FRMPD4: variants seen among roughly 807,000 people sequenced by gnomAD.
FRMPD4 encodes FERM and PDZ domain containing 4.
FRMPD4 carries 22 observed loss-of-function variants against 94.1 expected under a neutral mutation model. The ratio of observed to expected loss-of-function variants is 0.23; its 90% CI spans 0.17 to 0.33. The LOEUF (loss-of-function observed/expected upper bound fraction) is 0.33. FRMPD4 is among the 10% of genes least tolerant of loss of function. The pLI, the probability that FRMPD4 is intolerant of heterozygous loss-of-function variation, is 1.00. For synonymous variants in FRMPD4, 631 were observed against 548.6 expected, an observed-to-expected ratio of 1.15 and a Z score of -2.10; for missense variants, 1,111 against 1,339.9, an observed-to-expected ratio of 0.83 and a Z score of 2.67.
intron 1 of FRMPD4, among the ~76,000 whole-genome samples, chrX:12,491,697 TATC>T (rs1327569805): frequency 8.9e-6 from 1 of 112,486 alleles, no homozygotes; most frequent in Non-Finnish European, 1.9e-5. Context: ...CCTGTGCCAG[TATC>T]ATCATGTAGC....
At position 12,549,877 on chromosome X, in the gene FRMPD4, C is replaced by T. The variant is rs746063647; in HGVS notation, c.158+51081C>T. 4.5e-5 allele frequency among the ~76,000 whole-genome samples: 5 copies of T among 112,228 alleles called. No homozygotes were observed. The South Asian group carries it at 1.9e-3, about 42-fold the overall frequency. On this transcript the variant is annotated intron_variant, in intron 2 of 16. Transcript: ENST00000675598. ...TAAGTAAAGAAAGCTTTTTCATGCTCCCAGTTCAGCATTTTCCAAATACAT... is the reference window on the plus strand; with the variant it reads ...TAAGTAAAGAAAGCTTTTTCATGCTTCCAGTTCAGCATTTTCCAAATACAT...
At chrX:12,077,177 C>T (rs926257200) in intron 3 of FRMPD4, among the ~76,000 whole-genome samples, 9 of 112,204 alleles carry the variant, frequency 8.0e-5, no homozygotes, top group African/African-American at 2.9e-4. Context: ...TTATTTACAT[C>T]ATCTGCCTCC....
At chrX:11,913,468 C>A (rs2054007514) in intron 3 of FRMPD4, among the ~76,000 whole-genome samples, 1 of 112,109 alleles carries the variant, frequency 8.9e-6, no homozygotes, top group East Asian at 2.8e-4. Flanking sequence ...GATTATGAAT[C>A]TCTGATCTAG....
At chrX:12,210,429 G>A (rs749035926) in intron 1 of FRMPD4, among the ~76,000 whole-genome samples, 9 of 111,165 alleles carry the variant, frequency 8.1e-5, no homozygotes, top group Admixed American at 6.7e-4. Flanking sequence ...AATTAGAAGC[G>A]GCCTGAGTCA....
chrX:12,492,887 A>G (rs1309962053), intron 1 of FRMPD4, among the ~76,000 whole-genome samples: 1 of 111,751 alleles, frequency 8.9e-6, no homozygotes, highest in African/African-American at 3.3e-5. Context: ...TTCTGAGGGA[A>G]AAGAGAAAGC....
intron 1 of FRMPD4, among the ~76,000 whole-genome samples, chrX:12,147,686 C>G (rs974877468): frequency 8.9e-6 from 1 of 111,923 alleles, no homozygotes; most frequent in Non-Finnish European, 1.9e-5. Flanking sequence ...TCATTGCACT[C>G]TGGTTTATTG....
intron 2 of FRMPD4, among the ~76,000 whole-genome samples, chrX:12,521,687 C>T (rs911966932): frequency 1.8e-5 from 2 of 111,669 alleles, no homozygotes; most frequent in African/African-American, 6.5e-5. Flanking sequence ...TGATATATTT[C>T]TTAAAGGCTT....
chrX:12,710,847 A>G (rs2041972562), intron 14 of FRMPD4, among the ~76,000 whole-genome samples: 1 of 111,139 alleles, frequency 9.0e-6, no homozygotes, highest in African/African-American at 3.3e-5. Context: ...CAGAGGTTGC[A>G]GTGAGCCGAG....
At chrX:12,158,708 G>C (rs1445912438) in intron 1 of FRMPD4, among the ~76,000 whole-genome samples, 1 of 111,851 alleles carries the variant, frequency 8.9e-6, no homozygotes, top group Non-Finnish European at 1.9e-5. Context: ...TTGCTGTATA[G>C]TATTCTACTG....
At chrX:12,566,011 T>C (rs1257511452) in intron 2 of FRMPD4, among the ~76,000 whole-genome samples, 1 of 111,703 alleles carries the variant, frequency 9.0e-6, no homozygotes, top group African/African-American at 3.3e-5. Context: ...GTGGTAATGA[T>C]GATGAATTGG....
intron 3 of FRMPD4, among the ~76,000 whole-genome samples, chrX:11,943,375 A>T (rs2054172369): frequency 1.8e-5 from 2 of 109,808 alleles, no homozygotes; most frequent in African/African-American, 6.6e-5. Context: ...ATTTATTTTT[A>T]TTTACTTTTT....
chrX:12,225,305 AG>A lies in FRMPD4; in HGVS notation c.41+86294del, dbSNP rs200326775. 8.5e-3 allele frequency among the ~76,000 whole-genome samples: 960 copies of A among 112,290 alleles called. 9 individuals are homozygous for A. The highest frequency in any genetic ancestry group is 0.028 in the African/African-American group (868 of 30,878). ...TATTAACAGTAAGGTTGTGTGTATA[AG>A]TGAACACTAATGTCCCCAAGGGAAG... On this transcript the variant is annotated intron_variant, in intron 1 of 16. Transcript: ENST00000675598.
intron 1 of FRMPD4, among the ~76,000 whole-genome samples, chrX:12,380,383 A>C (rs2056302164): frequency 1.8e-5 from 2 of 112,430 alleles, no homozygotes; most frequent in South Asian, 7.4e-4. Context: ...AAGAGGACTC[A>C]TACCAGTTTT....
At chrX:12,591,986 G>A (rs1264458249) in intron 2 of FRMPD4, among the ~76,000 whole-genome samples, 1 of 111,454 alleles carries the variant, frequency 9.0e-6, no homozygotes, top group African/African-American at 3.3e-5. Flanking sequence ...ATAGAAACCA[G>A]ATTTCCTCTT....
At chrX:12,600,737 G>T (rs1310956056) in intron 2 of FRMPD4, among the ~76,000 whole-genome samples, 1 of 111,772 alleles carries the variant, frequency 8.9e-6, no homozygotes, top group Non-Finnish European at 1.9e-5. Flanking sequence ...AATTACCCTG[G>T]AAGCCTCGTT....
At chrX:12,033,685 G>A (rs772373495) in intron 3 of FRMPD4, among the ~76,000 whole-genome samples, 10 of 111,111 alleles carry the variant, frequency 9.0e-5, no homozygotes, top group Non-Finnish European at 1.5e-4. Context: ...AGTTTATTTT[G>A]TTTTATCTTA....
At chrX:11,850,813 CG>C (rs1298796304) in intron 1 of FRMPD4, among the ~76,000 whole-genome samples, 3 of 111,621 alleles carry the variant, frequency 2.7e-5, no homozygotes, top group Non-Finnish European at 3.8e-5. Context: ...AAACAAAGAA[CG>C]GGCTGTAACT....
intron 2 of FRMPD4, among the ~76,000 whole-genome samples, chrX:12,566,771 G>C (rs371054896): frequency 9.0e-6 from 1 of 111,704 alleles, no homozygotes; most frequent in African/African-American, 3.3e-5. Flanking sequence ...CTGCTTTTTG[G>C]TTTTAAAACC....
chrX:12,038,263 A>G (rs1374348094), intron 3 of FRMPD4, among the ~76,000 whole-genome samples: 1 of 111,890 alleles, frequency 8.9e-6, no homozygotes, highest in Non-Finnish European at 1.9e-5. Flanking sequence ...AATGTATGAG[A>G]TTTCCAGTTG....
Sources: allele counts gnomAD v4.1 joint callset (sites outside exome capture counted in the v4.1 genomes callset), GRCh38; gene constraint gnomAD v4.1.1; transcripts MANE v1.5; gene names NCBI Gene and HGNC (gene_info 2026-07-23, HGNC 2026-07-21).